SLC35F1: variants seen among roughly 807,000 people sequenced by gnomAD.
The protein encoded by SLC35F1 is chromosome 6 open reading frame 169.
A neutral mutation model predicts 48.7 loss-of-function variants in SLC35F1; 14 were observed. The ratio of observed to expected loss-of-function variants is 0.29; its 90% CI spans 0.19 to 0.45. The LOEUF (loss-of-function observed/expected upper bound fraction) is 0.45, where lower values mean the gene tolerates loss of function less well. Among genes scored for constraint, SLC35F1 ranks in the 20% least tolerant of loss-of-function variants. The probability of loss-of-function intolerance (pLI) is 1.00; values close to 1 mark genes in which losing one functional copy is unlikely to be tolerated. For missense variants in SLC35F1, 404 were observed against 500.0 expected (o/e 0.81, Z 1.83); for synonymous variants, 190 against 202.2 (o/e 0.94, Z 0.51).
chr6:118,206,428 G>A (rs1774936689), intron 2 of SLC35F1, among the ~76,000 whole-genome samples: 1 of 152,124 alleles, frequency 6.6e-6, no homozygotes, highest in Non-Finnish European at 1.5e-5. Flanking sequence ...CTCCCAGCAG[G>A]AGGGCATAAT....
chr6:118,008,188 T>C (rs1777199725), intron 1 of SLC35F1, among the ~76,000 whole-genome samples: 1 of 152,108 alleles, frequency 6.6e-6, no homozygotes, highest in South Asian at 2.1e-4. Flanking sequence ...CTAGACATTG[T>C]ATACATGTAT....
At chr6:118,164,555 G>A (rs1774287579) in intron 2 of SLC35F1, among the ~76,000 whole-genome samples, 1 of 152,108 alleles carries the variant, frequency 6.6e-6, no homozygotes, top group Non-Finnish European at 1.5e-5. Context: ...GATAATAATA[G>A]TAAATTCTTT....
chr6:118,308,073 T>A (rs955282801), intron 7 of SLC35F1, among the ~76,000 whole-genome samples: 4 of 152,230 alleles, frequency 2.6e-5, no homozygotes, highest in African/African-American at 9.6e-5. Flanking sequence ...CCCCTTTTAG[T>A]TATTCTTCAC....
At chr6:118,094,966 TA>T (rs34318594) in intron 1 of SLC35F1, among the ~76,000 whole-genome samples, 33,066 of 138,400 alleles carry the variant, frequency 0.24, 4,035 homozygotes, top group African/African-American at 0.32. Context: ...AGACTCCGTC[TA>T]AAAAAAAAAA....
At chr6:117,911,225 C>G (rs1488853119) in intron 1 of SLC35F1, among the ~76,000 whole-genome samples, 3 of 151,902 alleles carry the variant, frequency 2.0e-5, no homozygotes, top group African/African-American at 7.3e-5. Context: ...ACATTTTTTC[C>G]CCTGGTATAC....
At chr6:118,012,605 C>T (rs191860465) in intron 1 of SLC35F1, among the ~76,000 whole-genome samples, 9 of 152,294 alleles carry the variant, frequency 5.9e-5, no homozygotes, top group Admixed American at 5.9e-4. Context: ...CACTTAACCT[C>T]CCTGAAGTGA....
intron 7 of SLC35F1, among the ~76,000 whole-genome samples, chr6:118,299,857 C>T (rs747432733): frequency 1.3e-5 from 2 of 152,166 alleles, no homozygotes; most frequent in Non-Finnish European, 2.9e-5. Flanking sequence ...TTAAGAATCC[C>T]TGAAACAACC....
intron 1 of SLC35F1, among the ~76,000 whole-genome samples, chr6:117,996,670 AG>A (rs1776996874): frequency 6.6e-6 from 1 of 152,226 alleles, no homozygotes; most frequent in African/African-American, 2.4e-5. Context: ...CCAGGCACAC[AG>A]GGTCTGGAGT....
chr6:117,942,447 ACTGGTTAGT>A (rs1466785726), intron 1 of SLC35F1, among the ~76,000 whole-genome samples: 4 of 152,220 alleles, frequency 2.6e-5, no homozygotes, highest in Non-Finnish European at 5.9e-5. Flanking sequence ...CTTAATTAAC[ACTGGTTAGT>A]CTAGTCTTTT....
At chr6:117,985,138 G>A (rs942749759) in intron 1 of SLC35F1, among the ~76,000 whole-genome samples, 6 of 152,174 alleles carry the variant, frequency 3.9e-5, no homozygotes, top group Admixed American at 6.5e-5. Context: ...CCACATATGT[G>A]AGAATAAAAA....
At chr6:118,130,222 T>C (rs764937642) in intron 1 of SLC35F1, among the ~76,000 whole-genome samples, 24 of 152,176 alleles carry the variant, frequency 1.6e-4, no homozygotes, top group Non-Finnish European at 3.1e-4. Flanking sequence ...GATGACTTAG[T>C]ACCTGTAAAA....
At chr6:118,002,269 C>T (rs945638415) in intron 1 of SLC35F1, among the ~76,000 whole-genome samples, 1 of 152,052 alleles carries the variant, frequency 6.6e-6, no homozygotes, top group African/African-American at 2.4e-5. Flanking sequence ...TACTATGCAG[C>T]CATAAAAAAT....
intron 1 of SLC35F1, among the ~76,000 whole-genome samples, chr6:117,973,157 T>G (rs1776664680): frequency 6.6e-6 from 1 of 152,200 alleles, no homozygotes; most frequent in African/African-American, 2.4e-5. Flanking sequence ...CTCCTTGGCT[T>G]GCAGATGGCC....
chr6:118,235,745 C>CAGA, intron 3 of SLC35F1, 109 bp downstream of exon 3: 1 of 1,051,304 alleles, frequency 9.5e-7, no homozygotes, highest in Non-Finnish European at 1.3e-6. Flanking sequence ...GTATACTATA[C>CAGA]TATAGTATAC....
intron 3 of SLC35F1, among the ~76,000 whole-genome samples, chr6:118,238,521 G>A (rs913471089): frequency 6.6e-6 from 1 of 151,840 alleles, no homozygotes; most frequent in Non-Finnish European, 1.5e-5. Context: ...AGGATAGTTG[G>A]CCAAATGTCT....
At chr6:118,091,435 G>A (rs1773071590) in intron 1 of SLC35F1, among the ~76,000 whole-genome samples, 1 of 152,158 alleles carries the variant, frequency 6.6e-6, no homozygotes. Flanking sequence ...GTTTTATGAA[G>A]GGCAGTTCCC....
At chr6:118,249,501 T>C (rs1316462635) in intron 3 of SLC35F1, among the ~76,000 whole-genome samples, 1 of 152,140 alleles carries the variant, frequency 6.6e-6, no homozygotes, top group African/African-American at 2.4e-5. Flanking sequence ...AATTCACCTG[T>C]AATAAATGGT....
intron 2 of SLC35F1, among the ~76,000 whole-genome samples, chr6:118,221,369 T>C (rs1208312136): frequency 6.6e-6 from 1 of 152,198 alleles, no homozygotes; most frequent in East Asian, 1.9e-4. Context: ...GAAAGGTTCT[T>C]AGCTATTATG....
At chr6:117,962,628 G>A (rs1776513680) in intron 1 of SLC35F1, among the ~76,000 whole-genome samples, 1 of 152,132 alleles carries the variant, frequency 6.6e-6, no homozygotes, top group Non-Finnish European at 1.5e-5. Flanking sequence ...CAGGGAAGAT[G>A]TGAACGCCCA....
Sources: allele counts gnomAD v4.1 joint callset (sites outside exome capture counted in the v4.1 genomes callset), GRCh38; gene constraint gnomAD v4.1.1; transcripts MANE v1.5; gene names NCBI Gene and HGNC (gene_info 2026-07-23, HGNC 2026-07-21).